Variants in STON1 observed in about 807,000 individuals in gnomAD.
STON1 encodes the protein stonin-1.
In STON1, 79 loss-of-function variants were observed where a neutral mutation model predicts 60.9. The ratio of observed to expected loss-of-function variants is 1.30; its 90% CI spans 1.08 to 1.56. STON1 has a LOEUF of 1.56. Among genes scored for constraint, STON1 ranks in the 40% most tolerant of loss-of-function variants. STON1 has a pLI of 0.00. For synonymous variants in STON1, 363 were observed against 306.9 expected (o/e 1.18, Z -1.91); for missense variants, 1,166 against 858.9 (o/e 1.36, Z -4.47).
chr2:48,557,477 C>T (rs1258753208), intron 1 of STON1, among the ~76,000 whole-genome samples: 1 of 107,132 alleles, frequency 9.3e-6, no homozygotes. Flanking sequence ...AGGGGCTCCT[C>T]ACATCCCAGA....
intron 1 of STON1, among the ~76,000 whole-genome samples, chr2:48,549,808 CTCAAAAAAAAAAAA>C: frequency 1.4e-5 from 1 of 72,942 alleles, no homozygotes; most frequent in East Asian, 3.9e-4. Flanking sequence ...GTGACTCCAT[CTCAAAAAAAAAAAA>C]AAAAAAAAAA....
intron 2 of STON1, among the ~76,000 whole-genome samples, chr2:48,590,032 C>G (rs1674423257): frequency 6.6e-6 from 1 of 152,200 alleles, no homozygotes; most frequent in Non-Finnish European, 1.5e-5. Context: ...AATTTGTAAC[C>G]CTAGCCTTAA....
Position 48,581,379 on chromosome 2 carries a change from C to G in STON1, c.746C>G (p.Ser249Cys). The stretch of plus-strand genomic sequence containing the variant: ...AACCAAGACTCACTTAGAAGTTTGT[C>G]TATGCACTGTCTATGTGCTGAAGAA... ...AENQDSLRSLSMHCLCAEENA... is the reference protein window; with the variant it reads ...AENQDSLRSLCMHCLCAEENA... The change falls in exon 2 of 4, where the codon TCT becomes TGT. Residue 249 changes from serine (S) to cysteine (C), a missense_variant. Coordinates refer to ENST00000404752, the MANE Select transcript of STON1 (RefSeq NM_006873.4). 2 of 1,592,526 alleles carry G rather than the reference C, an allele frequency of 1.3e-6. No individual in the cohort carries two copies. The highest frequency in any genetic ancestry group is 1.7e-6 in the Non-Finnish European group (2 of 1,169,062).
intron 1 of STON1, among the ~76,000 whole-genome samples, chr2:48,533,274 C>T (rs1045360706): frequency 6.6e-6 from 1 of 151,776 alleles, no homozygotes; most frequent in Non-Finnish European, 1.5e-5. Context: ...CCCACCTACT[C>T]GGGAGGCTGA....
chr2:48,538,044 C>G (rs553273348), intron 1 of STON1, among the ~76,000 whole-genome samples: 4 of 151,634 alleles, frequency 2.6e-5, no homozygotes, highest in Non-Finnish European at 4.4e-5. Context: ...ACCTCCGACT[C>G]CCGGGTTCAA....
chr2:48,552,244 C>T (rs573500473), intron 1 of STON1, among the ~76,000 whole-genome samples: 3 of 152,276 alleles, frequency 2.0e-5, no homozygotes, highest in African/African-American at 4.8e-5. Context: ...ATAAGCCAGA[C>T]ACAAGAGGAC....
intron 1 of STON1, among the ~76,000 whole-genome samples, chr2:48,575,755 G>GTTTTTTTTTTTTTTTTTTTTTTT (rs199808169): frequency 8.2e-5 from 9 of 109,734 alleles, no homozygotes; most frequent in Admixed American, 9.6e-5. Context: ...TTTAGTTTTT[G>GTTTTTTTTTTTTTTTTTTTTTTT]TTTGTTTTTT....
intron 1 of STON1, among the ~76,000 whole-genome samples, chr2:48,534,274 T>C (rs1671338640): frequency 1.3e-5 from 2 of 152,166 alleles, no homozygotes; most frequent in South Asian, 2.1e-4. Context: ...TTACATATGG[T>C]ATTTTATTCG....
chr2:48,559,398 A>G (rs780063478), intron 1 of STON1, among the ~76,000 whole-genome samples: 1 of 152,096 alleles, frequency 6.6e-6, no homozygotes, highest in East Asian at 1.9e-4. Context: ...GGCACCTTCT[A>G]TGTGTTCTCA....
intron 1 of STON1, among the ~76,000 whole-genome samples, chr2:48,533,721 T>G (rs1463000348): frequency 4.0e-5 from 6 of 148,966 alleles, no homozygotes; most frequent in East Asian, 3.9e-4. Context: ...GAATACTCTG[T>G]GACCTTTTAA....
chr2:48,559,802 G>C (rs576293449), intron 1 of STON1, among the ~76,000 whole-genome samples: 138 of 152,126 alleles, frequency 9.1e-4, no homozygotes, highest in Non-Finnish European at 1.7e-3. Flanking sequence ...TAGGGGATGT[G>C]GTCTTTGCTG....
intron 1 of STON1, among the ~76,000 whole-genome samples, chr2:48,532,480 G>C (rs1246867880): frequency 6.7e-6 from 1 of 149,804 alleles, no homozygotes; most frequent in Non-Finnish European, 1.5e-5. Flanking sequence ...TAAATTCTGA[G>C]CTTGTTTGGC....
At chr2:48,546,496 T>A (rs1671872011) in intron 1 of STON1, among the ~76,000 whole-genome samples, 1 of 152,208 alleles carries the variant, frequency 6.6e-6, no homozygotes, top group South Asian at 2.1e-4. Context: ...TGTCCCCCCA[T>A]CACAGTTATG....
chr2:48,549,219 G>C (rs897377443), intron 1 of STON1, among the ~76,000 whole-genome samples: 3 of 152,302 alleles, frequency 2.0e-5, no homozygotes, highest in African/African-American at 7.2e-5. Context: ...AGTAACAAGA[G>C]CAGAAGAATT....
At chr2:48,590,462 G>C (rs184222093) in intron 2 of STON1, among the ~76,000 whole-genome samples, 2 of 152,270 alleles carry the variant, frequency 1.3e-5, no homozygotes, top group East Asian at 3.9e-4. Context: ...CTCTAGCTAT[G>C]TCAGTGGTAC....
Position 48,582,516 on chromosome 2 carries a change from A to G in STON1, c.1883A>G (p.Tyr628Cys), listed in dbSNP as rs1395022272. ...GGGTCAGCAAAATATGAGAGTGCCT[A>G]CCAGGCAGTGGTATGGAAGATAGAT... is the stretch of plus-strand genomic sequence containing the variant. ...TVGSAKYESA[Y>C]QAVVWKIDRL... The change falls in exon 2 of 4, where the codon TAC becomes TGC. Residue 628 changes from tyrosine to cysteine, a missense_variant. Transcript: ENST00000404752. 6.2e-7 allele frequency: 1 copy of G among 1,614,062 alleles called. No homozygotes were observed. The highest frequency in any genetic ancestry group is 1.3e-5 in the African/African-American group (1 of 74,942).
At position 48,581,277 on chromosome 2, in the gene STON1, C is replaced by G. The variant is rs1673865506; in HGVS notation, c.644C>G (p.Pro215Arg). 6.6e-7 allele frequency: 1 copy of G among 1,519,416 alleles called. No homozygotes were observed. Among genetic ancestry groups the G allele is most frequent in the Admixed American group, 2.3e-5 (1 of 44,274 alleles). 94.1% of individuals were successfully genotyped at this position (1,519,416 alleles called of 1,614,324 possible). ...KMFSSRNKEM[P>R]IDQKSLNKCS... The stretch of plus-strand genomic sequence containing the variant: ...TTCTCATCAAGAAACAAGGAGATGC[C>G]TATTGACCAAAAAAGCCTAAATAAG... Residue 215 changes from proline (P) to arginine (R), a missense_variant, in exon 2 of 4, where the codon CCT becomes CGT. By Grantham distance (103) the Pro-to-Arg change is moderately radical. Transcript: ENST00000404752.
intron 1 of STON1, among the ~76,000 whole-genome samples, chr2:48,571,975 C>A (rs185865225): frequency 2.6e-5 from 4 of 152,182 alleles, no homozygotes; most frequent in African/African-American, 7.2e-5. Context: ...CCAGCCTGGC[C>A]AACATGGTGA....
At chr2:48,544,162 T>C (rs573231304) in intron 1 of STON1, among the ~76,000 whole-genome samples, 2 of 151,282 alleles carry the variant, frequency 1.3e-5, no homozygotes, top group African/African-American at 4.8e-5. Context: ...CTATGACTAT[T>C]CTTTTTTTTC....
Sources: gnomAD v4.1 joint callset for allele counts (sites outside exome capture counted in the v4.1 genomes callset) on GRCh38, gnomAD v4.1.1 for gene constraint, MANE v1.5 for transcripts, NCBI Gene and HGNC (gene_info 2026-07-23, HGNC 2026-07-21) for gene names.